Variants in ITPR2 observed in about 807,000 individuals in gnomAD.
ITPR2 encodes inositol 1,4,5-trisphosphate-gated calcium channel ITPR2.
Under a neutral mutation model 317.1 loss-of-function variants are expected in ITPR2, and 207 were observed. That is an observed-to-expected ratio of 0.65 (90% CI 0.58 to 0.73). ITPR2 has a LOEUF of 0.73. Ranked by LOEUF, ITPR2 falls within the 30% of genes least tolerant of loss-of-function variation. The pLI, the probability that ITPR2 is intolerant of heterozygous loss-of-function variation, is 0.00. For synonymous variants in ITPR2, 1,156 were observed against 1,149.1 expected (o/e 1.01, Z -0.12); for missense variants, 2,613 against 3,284.0 (o/e 0.80, Z 4.99).
intron 2 of ITPR2, among the ~76,000 whole-genome samples, chr12:26,768,278 G>C (rs542004852): frequency 1.4e-5 from 2 of 142,586 alleles, no homozygotes; most frequent in African/African-American, 5.0e-5. Context: ...GTCGGGGGAA[G>C]GGGGAGGGAT....
chr12:26,430,243 A>G (rs1026336499), intron 48 of ITPR2, among the ~76,000 whole-genome samples: 3 of 152,232 alleles, frequency 2.0e-5, no homozygotes, highest in Admixed American at 6.5e-5. Context: ...AAAAGAACTG[A>G]AGTCTCTCTG....
rs148490095 is a variant in ITPR2, at chr12:26,753,638, C to A, written c.164-27873G>T. ...ATGAATGGTAAAAATCACTGTTTAT[C>A]TTCTGTAAAGTTTTGATTCATGGGA... is the stretch of plus-strand genomic sequence containing the variant. On this transcript the variant is annotated intron_variant, in intron 2 of 56. Coordinates refer to ENST00000381340, the MANE Select transcript of ITPR2 (RefSeq NM_002223.4). 2.7e-3 allele frequency among the ~76,000 whole-genome samples: 409 copies of A among 152,302 alleles called. 7 individuals carry two copies. The highest frequency in any genetic ancestry group is 0.019 in the East Asian group (98 of 5,186).
intron 1 of ITPR2, among the ~76,000 whole-genome samples, chr12:26,794,840 G>A (rs1372616486): frequency 1.3e-5 from 2 of 152,206 alleles, no homozygotes; most frequent in Non-Finnish European, 2.9e-5. Context: ...TTTGGACCCA[G>A]ATCTACAAGA....
At chr12:26,347,109 T>C (rs1441622185) in intron 55 of ITPR2, among the ~76,000 whole-genome samples, 1 of 152,192 alleles carries the variant, frequency 6.6e-6, no homozygotes, top group Non-Finnish European at 1.5e-5. Context: ...TGCACCTGAC[T>C]TCCACTTCTG....
intron 13 of ITPR2, among the ~76,000 whole-genome samples, chr12:26,678,580 T>G (rs550673916): frequency 6.6e-6 from 1 of 152,330 alleles, no homozygotes; most frequent in Non-Finnish European, 1.5e-5. Context: ...TGCATTCAAC[T>G]CTGCCAATAA....
At chr12:26,825,975 G>T (rs1386189548) in intron 1 of ITPR2, among the ~76,000 whole-genome samples, 1 of 152,196 alleles carries the variant, frequency 6.6e-6, no homozygotes, top group African/African-American at 2.4e-5. Context: ...AAGCTTATAT[G>T]CCTGGTTATG....
rs190653890 is a variant in ITPR2 at position 26,713,929 on chromosome 12, C to T, written c.855+1370G>A. 4.4e-4 allele frequency among the ~76,000 whole-genome samples: 67 copies of T among 152,238 alleles called. 1 individual carries two copies. Among genetic ancestry groups the T allele is most frequent in the African/African-American group, 1.5e-3 (64 of 41,534 alleles). Reference sequence around the variant, plus strand: ...TTCTGGGAGGTGTTTCATGCAGCCTCGTGTATTATTAGCTTTAGTCATAGC... The same window carrying T: ...TTCTGGGAGGTGTTTCATGCAGCCTTGTGTATTATTAGCTTTAGTCATAGC... On this transcript the variant is annotated intron_variant, in intron 8 of 56. Transcript: ENST00000381340.
rs1951101420 is a variant in ITPR2 at position 26,831,601 on chromosome 12, T to A, written c.92+1089A>T. Among the ~76,000 whole-genome samples, 3 of 151,932 alleles carry A rather than the reference T, an allele frequency of 2.0e-5. 1 individual carries two copies. The South Asian group carries it at 6.2e-4, about 31-fold the overall frequency. The stretch of plus-strand genomic sequence containing the variant: ...AATATACTGCAGCGTGCAATTAAAC[T>A]GCACACTGCTATTCCCAATCAGAAC... On this transcript the variant is annotated intron_variant, in intron 1 of 56. Coordinates refer to ENST00000381340, the MANE Select transcript of ITPR2 (RefSeq NM_002223.4). This position sits in a 1 kb window ranked among gnomAD's most constrained non-coding sequence, Gnocchi z 4.9.
chr12:26,340,435 A>G (rs952518456), intron 55 of ITPR2, 107 bp from the exon 56 acceptor site: 1 of 1,164,824 alleles, frequency 8.6e-7, no homozygotes, highest in Non-Finnish European at 1.1e-6. Context: ...TTAGCACTCA[A>G]ATTGGAGAGA....
intron 37 of ITPR2, among the ~76,000 whole-genome samples, chr12:26,520,223 A>T (rs1354878660): frequency 6.6e-6 from 1 of 152,186 alleles, no homozygotes; most frequent in African/African-American, 2.4e-5. Context: ...TTTGGGACTG[A>T]AATTTTATGG....
chr12:26,772,479 A>ATAATGTAT (rs1592114209), intron 2 of ITPR2, among the ~76,000 whole-genome samples: 1 of 44,406 alleles, frequency 2.3e-5, no homozygotes, highest in Admixed American at 2.2e-4. Flanking sequence ...ATTATATATA[A>ATAATGTAT]TATATATAAT....
chr12:26,394,060 T>C (rs1939923742), intron 54 of ITPR2, among the ~76,000 whole-genome samples: 3 of 152,134 alleles, frequency 2.0e-5, no homozygotes, highest in African/African-American at 7.2e-5. Context: ...GAAATTAACA[T>C]GTGTTGAGGG....
chr12:26,746,191 A>ACACACAC (rs1949319249), intron 2 of ITPR2, among the ~76,000 whole-genome samples: 1 of 150,340 alleles, frequency 6.7e-6, no homozygotes, highest in African/African-American at 2.4e-5. Flanking sequence ...GTATTCCTAC[A>ACACACAC]ACACACACAC....
intron 13 of ITPR2, 61 bp downstream of exon 13, chr12:26,681,813 A>G: frequency 8.3e-7 from 1 of 1,209,604 alleles, no homozygotes; most frequent in Non-Finnish European, 1.2e-6. Flanking sequence ...CATTCATATC[A>G]GGCTTACTAT....
chr12:26,439,110 C>T lies in ITPR2; in HGVS notation c.6643+17G>A. The stretch of plus-strand genomic sequence containing the variant: ...CCACTATGCACAAAACTAACCATTT[C>T]AGTTTACTGTACTTACTCCTGATTT... On this transcript the variant is annotated intron_variant, in intron 47 of 56. Transcript: ENST00000381340. 1 of 1,529,132 alleles carries T rather than the reference C, an allele frequency of 6.5e-7. No individual in the cohort carries two copies. Among genetic ancestry groups the T allele is most frequent in the South Asian group, 1.2e-5 (1 of 84,688 alleles). The allele number at this position is 1,529,132 out of a possible 1,614,324, so 94.7% of individuals were successfully genotyped here.
chr12:26,642,154 G>T, intron 21 of ITPR2, among the ~76,000 whole-genome samples: 1 of 152,094 alleles, frequency 6.6e-6, no homozygotes, highest in East Asian at 1.9e-4. Flanking sequence ...GGGGCACCTG[G>T]AAATAGGAAG....
At chr12:26,544,781 G>A (rs772077654) in intron 37 of ITPR2, among the ~76,000 whole-genome samples, 11 of 152,050 alleles carry the variant, frequency 7.2e-5, no homozygotes, top group Non-Finnish European at 1.5e-4. Context: ...ATTTAATTCT[G>A]ATAAATCTCC....
chr12:26,387,549 T>C lies in ITPR2; in HGVS notation c.7742A>G (p.Glu2581Gly), dbSNP rs1159632969. 6.2e-7 allele frequency: 1 copy of C among 1,613,764 alleles called. No homozygotes were observed. ...CATATTGTGTTCTGACTTAATGTGC[T>C]CCTCAAATGAAACCGTTTTATTATC... ...KFDNKTVSFEEHIKSEHNMWH... is the reference protein window; with the variant it reads ...KFDNKTVSFEGHIKSEHNMWH... The change falls in exon 55 of 57, where the codon GAG (glutamate) becomes GGG (glycine). Residue 2581 changes from glutamate to glycine, a missense_variant. Coordinates refer to ENST00000381340, the MANE Select transcript of ITPR2 (RefSeq NM_002223.4).
At chr12:26,497,557 T>A (rs2136880849) in intron 37 of ITPR2, among the ~76,000 whole-genome samples, 1 of 43,684 alleles carries the variant, frequency 2.3e-5, no homozygotes, top group East Asian at 3.4e-4. Flanking sequence ...ATGAGATGAA[T>A]GCAATATTCT....
Sources: gnomAD v4.1 joint callset for allele counts (sites outside exome capture counted in the v4.1 genomes callset) on GRCh38, gnomAD v4.1.1 for gene constraint, Gnocchi (gnomAD v3.1) non-coding constraint, MANE v1.5 for transcripts, NCBI Gene and HGNC (gene_info 2026-07-23, HGNC 2026-07-21) for gene names.